Variants in PLCB4 observed in about 807,000 individuals in gnomAD.
PLCB4 encodes the protein phospholipase C beta 4, also known as 1-phosphatidylinositol 4,5-bisphosphate phosphodiesterase beta-4.
A neutral mutation model predicts 178.8 loss-of-function variants in PLCB4; 77 were observed. The observed-to-expected ratio is 0.43, with a 90% CI of 0.36 to 0.52. The LOEUF (loss-of-function observed/expected upper bound fraction) is 0.52. Among genes scored for constraint, PLCB4 ranks in the 20% least tolerant of loss-of-function variants. PLCB4 has a pLI of 0.00. For missense variants in PLCB4, 1,024 were observed against 1,453.4 expected (o/e 0.70, Z 4.80); for synonymous variants, 496 against 490.8 (o/e 1.01, Z -0.14).
intron 4 of PLCB4, among the ~76,000 whole-genome samples, chr20:9,326,013 C>T (rs1184072796): frequency 2.0e-5 from 3 of 151,878 alleles, no homozygotes; most frequent in Non-Finnish European, 4.4e-5. Flanking sequence ...GCTGTGTCTT[C>T]ACACGGTGGG....
At chr20:9,324,543 A>C (rs2147983382) in intron 4 of PLCB4, among the ~76,000 whole-genome samples, 1 of 152,356 alleles carries the variant, frequency 6.6e-6, no homozygotes, top group South Asian at 2.1e-4. Context: ...CATTTCCCTA[A>C]GAAATGTCTT....
intron 2 of PLCB4, among the ~76,000 whole-genome samples, chr20:9,120,952 A>G (rs181276921): frequency 6.6e-6 from 1 of 152,230 alleles, no homozygotes; most frequent in South Asian, 2.1e-4. Context: ...TTGTTGTGCC[A>G]TCACAGCTCT....
Position 9,171,231 on chromosome 20 carries a change from C to T in PLCB4, c.-78-46159C>T, listed in dbSNP as rs146701841. Among the ~76,000 whole-genome samples the T allele has an allele frequency of 2.1e-3, 327 of 152,244 alleles. 3 individuals carry two copies. The highest frequency in any genetic ancestry group is 7.3e-3 in the African/African-American group (302 of 41,536). On this transcript the variant is annotated intron_variant, in intron 2 of 39. Transcript: ENST00000378473. ...TTGGAGTTACCTATCATATGGTAGG[C>T]GCTCAGAAGCTTCTTTTACAGTCCC...
intron 2 of PLCB4, among the ~76,000 whole-genome samples, chr20:9,185,658 C>T (rs563020984): frequency 3.9e-5 from 6 of 152,242 alleles, no homozygotes; most frequent in South Asian, 2.1e-4. Context: ...CATCTGACTC[C>T]GAGTAAAAGC....
At chr20:9,386,435 A>G (rs2037668684) in intron 14 of PLCB4, among the ~76,000 whole-genome samples, 1 of 152,128 alleles carries the variant, frequency 6.6e-6, no homozygotes, top group African/African-American at 2.4e-5. Flanking sequence ...TAAGAAATGT[A>G]GTTACATTAT....
intron 2 of PLCB4, among the ~76,000 whole-genome samples, chr20:9,125,751 T>A (rs1461510995): frequency 1.3e-5 from 2 of 152,208 alleles, no homozygotes; most frequent in African/African-American, 4.8e-5. Flanking sequence ...CCTTCCAGTG[T>A]CTCGTGTCTG....
In PLCB4 at chr20:9,419,935, A is replaced by G. The variant is rs749839128; in HGVS notation, c.2154+26A>G. On this transcript the variant is annotated intron_variant, in intron 26 of 39. Transcript: ENST00000378473. ...GTAAGGCCCCTGCTCATCACAAGGT[A>G]GTATAAATGTATACACAAGTGGTCC... is the stretch of plus-strand genomic sequence containing the variant. The G allele has an allele frequency of 4.4e-6, 6 of 1,365,556 alleles. 1 individual carries two copies. In the South Asian group the frequency reaches 4.7e-5, roughly 11 times the overall value. The allele number at this position is 1,365,556 out of a possible 1,614,324, so 84.6% of individuals were successfully genotyped here. A position where few individuals can be genotyped will look rare whatever the true frequency, so the allele number is the denominator to read the frequency against.
intron 3 of PLCB4, among the ~76,000 whole-genome samples, chr20:9,273,675 A>AGTGTGTGTGT (rs398035325): frequency 0.011 from 1,543 of 135,922 alleles, 13 homozygotes; most frequent in East Asian, 0.037. Context: ...TTATGGTTGC[A>AGTGTGTGTGT]GTGTGTGTGT....
At chr20:9,336,582 G>C (rs2032497228) in intron 4 of PLCB4, among the ~76,000 whole-genome samples, 1 of 152,084 alleles carries the variant, frequency 6.6e-6, no homozygotes, top group South Asian at 2.1e-4. Flanking sequence ...CTGCAATTCA[G>C]TAAAGCTCCC....
chr20:9,412,760 G>A (rs2148520611), intron 25 of PLCB4, among the ~76,000 whole-genome samples: 1 of 152,228 alleles, frequency 6.6e-6, no homozygotes, highest in East Asian at 1.9e-4. Flanking sequence ...TATCCTTGAT[G>A]TTTCCTCATA....
intron 1 of PLCB4, among the ~76,000 whole-genome samples, chr20:9,072,444 T>C (rs2089621382): frequency 6.6e-6 from 1 of 152,030 alleles, no homozygotes; most frequent in Admixed American, 6.6e-5. Flanking sequence ...TTTTACATGT[T>C]CCTAGGCTGT....
intron 2 of PLCB4, among the ~76,000 whole-genome samples, chr20:9,203,603 C>G (rs113311616): frequency 3.9e-5 from 6 of 152,152 alleles, no homozygotes; most frequent in African/African-American, 1.4e-4. Context: ...GTGATAGGCA[C>G]TTTTCGTGTA....
chr20:9,314,851 T>C (rs1183090703), intron 4 of PLCB4, among the ~76,000 whole-genome samples: 1 of 151,296 alleles, frequency 6.6e-6, no homozygotes, highest in African/African-American at 2.4e-5. Flanking sequence ...TGGGTGATAC[T>C]GCATTCCTCA....
At chr20:9,151,520 T>C (rs1600734722) in intron 2 of PLCB4, among the ~76,000 whole-genome samples, 1 of 152,176 alleles carries the variant, frequency 6.6e-6, no homozygotes, top group East Asian at 1.9e-4. Flanking sequence ...CTGATGGGTT[T>C]ATCAGGGGTT....
intron 3 of PLCB4, among the ~76,000 whole-genome samples, chr20:9,253,256 G>T (rs546026421): frequency 6.6e-6 from 1 of 152,138 alleles, no homozygotes; most frequent in Non-Finnish European, 1.5e-5. Flanking sequence ...CAGAGCAAGG[G>T]ATCCGACTAG....
intron 30 of PLCB4, among the ~76,000 whole-genome samples, chr20:9,440,146 C>T (rs1003686850): frequency 2.6e-5 from 4 of 152,242 alleles, no homozygotes; most frequent in South Asian, 2.1e-4. Context: ...TACAGATGCT[C>T]CTTGACTTAT....
At chr20:9,214,411 G>C (rs1272229707) in intron 2 of PLCB4, among the ~76,000 whole-genome samples, 1 of 152,110 alleles carries the variant, frequency 6.6e-6, no homozygotes, top group African/African-American at 2.4e-5. Flanking sequence ...CCATTGAATG[G>C]TCTTGATACC....
Position 9,253,536 on chromosome 20 carries a change from G to C in PLCB4, c.-16+36084G>C, listed in dbSNP as rs566909001. ...TTCCCTTCCCTGTTGCCCTGTTCCCGTCTCTTTTTCCACTTCTAGATGGCA... is the reference window on the plus strand; with the variant it reads ...TTCCCTTCCCTGTTGCCCTGTTCCCCTCTCTTTTTCCACTTCTAGATGGCA... On this transcript the variant is annotated intron_variant, in intron 3 of 39. Transcript: ENST00000378473. Among the ~76,000 whole-genome samples, 4 of 152,120 alleles carry C rather than the reference G, an allele frequency of 2.6e-5. No individual in the cohort carries two copies. In the South Asian group the frequency reaches 8.3e-4, roughly 32 times the overall value.
At chr20:9,281,585 C>T (rs1187152982) in intron 3 of PLCB4, among the ~76,000 whole-genome samples, 1 of 151,834 alleles carries the variant, frequency 6.6e-6, no homozygotes, top group African/African-American at 2.4e-5. Flanking sequence ...ATGTTTTAAT[C>T]TTAGGTTTAT....
Sources: gnomAD v4.1 joint callset for allele counts (sites outside exome capture counted in the v4.1 genomes callset) on GRCh38, gnomAD v4.1.1 for gene constraint, MANE v1.5 for transcripts, NCBI Gene and HGNC (gene_info 2026-07-23, HGNC 2026-07-21) for gene names.